The following RPS6KC1 variants were observed in gnomAD, a reference collection of about 807,000 sequenced individuals.
RPS6KC1 encodes the protein ribosomal protein S6 kinase C1.
A neutral mutation model predicts 103.8 loss-of-function variants in RPS6KC1; 54 were observed. The observed-to-expected ratio is 0.52, with a 90% CI of 0.42 to 0.65. The LOEUF (loss-of-function observed/expected upper bound fraction) is 0.65. Ranked by LOEUF, RPS6KC1 falls within the 30% of genes least tolerant of loss-of-function variation. The pLI is 0.00. For missense variants in RPS6KC1, 1,151 were observed against 1,253.8 expected (o/e 0.92, Z 1.24); for synonymous variants, 439 against 438.7 (o/e 1.00, Z -0.01).
At chr1:213,124,097 A>T (rs1167460026) in intron 5 of RPS6KC1, among the ~76,000 whole-genome samples, 1 of 152,126 alleles carries the variant, frequency 6.6e-6, no homozygotes, top group Non-Finnish European at 1.5e-5. Context: ...ATAAACGCCT[A>T]TGTCTGTAGC....
At chr1:213,137,752 G>GCGCTCT (rs1553340080) in intron 6 of RPS6KC1, among the ~76,000 whole-genome samples, 51 of 12,200 alleles carry the variant, frequency 4.2e-3, no homozygotes, top group Admixed American at 0.014. Flanking sequence ...AGTCCAGTTT[G>GCGCTCT]CTCTCTCTCT....
chr1:213,859,979 A>AC, the RPS6KC1 span, among the ~76,000 whole-genome samples: 1 of 152,074 alleles, frequency 6.6e-6, no homozygotes, highest in African/African-American at 2.4e-5. Context: ...GTCTAAACAA[A>AC]AAAAAAATCT....
intron 8 of RPS6KC1, among the ~76,000 whole-genome samples, chr1:213,184,948 ATG>A (rs559879454): frequency 1.4e-3 from 211 of 152,332 alleles, no homozygotes; most frequent in African/African-American, 4.8e-3. Context: ...GATGAGAAGA[ATG>A]TGTATTTTCT....
At chr1:213,816,419 C>T in the RPS6KC1 span, among the ~76,000 whole-genome samples, 3 of 152,210 alleles carry the variant, frequency 2.0e-5, no homozygotes, top group African/African-American at 7.2e-5. Context: ...CGAAGACCAC[C>T]AACAAGCTCA....
At chr1:213,337,095 G>A in the RPS6KC1 span, among the ~76,000 whole-genome samples, 2 of 152,182 alleles carry the variant, frequency 1.3e-5, no homozygotes, top group Non-Finnish European at 2.9e-5. Context: ...ACAGAGTGCA[G>A]TAGGTTTTCC....
the RPS6KC1 span, chr1:213,818,912 G>A: frequency 6.6e-6 from 1 of 152,346 alleles, no homozygotes; most frequent in East Asian, 1.9e-4. Context: ...CAGTCCCTGG[G>A]AGTGTTCGCT....
the RPS6KC1 span, among the ~76,000 whole-genome samples, chr1:213,765,833 A>G: frequency 6.6e-6 from 1 of 152,220 alleles, no homozygotes; most frequent in Non-Finnish European, 1.5e-5. Context: ...CACTATAAAA[A>G]AATTTTTATA....
At chr1:213,298,526 T>A in the RPS6KC1 span, among the ~76,000 whole-genome samples, 1 of 152,186 alleles carries the variant, frequency 6.6e-6, no homozygotes, top group African/African-American at 2.4e-5. Flanking sequence ...GTATTACTTC[T>A]TATGTTTGCT....
At chr1:213,203,672 A>C (rs1192904572) in intron 8 of RPS6KC1, among the ~76,000 whole-genome samples, 1 of 152,160 alleles carries the variant, frequency 6.6e-6, no homozygotes. Flanking sequence ...TTCATTATAG[A>C]AAAATCAAAC....
downstream of RPS6KC1, among the ~76,000 whole-genome samples, chr1:213,275,012 A>C (rs1487102011): frequency 6.6e-6 from 1 of 152,206 alleles, no homozygotes; most frequent in Non-Finnish European, 1.5e-5. Context: ...TTCTGTCTCT[A>C]TGAATTTGAC....
At chr1:213,222,465 A>G (rs1404667714) in intron 8 of RPS6KC1, among the ~76,000 whole-genome samples, 2 of 152,134 alleles carry the variant, frequency 1.3e-5, no homozygotes, top group Non-Finnish European at 2.9e-5. Flanking sequence ...GCATCTCTGC[A>G]TGGTCTGTTC....
chr1:213,318,172 A>C, the RPS6KC1 span, among the ~76,000 whole-genome samples: 2 of 152,252 alleles, frequency 1.3e-5, no homozygotes, highest in African/African-American at 4.8e-5. Context: ...CCTCAGAAGA[A>C]ATTTCTCTCC....
chr1:213,612,466 GT>G, the RPS6KC1 span, among the ~76,000 whole-genome samples: 2 of 152,180 alleles, frequency 1.3e-5, no homozygotes, highest in Non-Finnish European at 2.9e-5. Flanking sequence ...GTGGCTGGGG[GT>G]CCTTCAACAA....
chr1:213,119,222 G>A (rs766141022), intron 5 of RPS6KC1, among the ~76,000 whole-genome samples: 1 of 151,456 alleles, frequency 6.6e-6, no homozygotes, highest in Non-Finnish European at 1.5e-5. Context: ...CAAGGCAGGC[G>A]GATCACTTGA....
chr1:213,205,446 T>TA (rs2093311009), intron 8 of RPS6KC1: 3 of 899,604 alleles, frequency 3.3e-6, no homozygotes, highest in Admixed American at 6.3e-5. Flanking sequence ...GTAGCCCTCT[T>TA]AATCAAAGCT....
At chr1:213,637,655 T>C in the RPS6KC1 span, among the ~76,000 whole-genome samples, 4 of 152,124 alleles carry the variant, frequency 2.6e-5, no homozygotes, top group African/African-American at 7.2e-5. Context: ...ACCGTGAAAC[T>C]ATTTTCCAGA....
the RPS6KC1 span, among the ~76,000 whole-genome samples, chr1:213,389,664 C>T: frequency 1.4e-4 from 21 of 152,276 alleles, no homozygotes; most frequent in East Asian, 1.7e-3. Flanking sequence ...CCTGAACATC[C>T]GTGGCTCCCT....
Position 213,104,463 on chromosome 1 carries a change from A to T in RPS6KC1, c.272A>T (p.Asp91Val). Reference sequence around the variant, plus strand: ...TCTTATTTAATTGTAGGGCGATTTGATGAAACTGTTATCGAAGAGAGAAGA... The same window carrying T: ...TCTTATTTAATTGTAGGGCGATTTGTTGAAACTGTTATCGAAGAGAGAAGA... ...FAKGIVFGRF[D>V]ETVIEERRQC... Residue 91 changes from aspartate to valine, a missense_variant, in exon 4 of 15, where the codon GAT becomes GTT. By Grantham distance (152) the Asp-to-Val change is radical. Around this residue, in one of 3 missense-constraint regions of RPS6KC1, gnomAD observed 959 missense variants for 1,006.3 expected, o/e 0.95. Coordinates refer to ENST00000366960, the MANE Select transcript of RPS6KC1 (RefSeq NM_012424.6). 6.2e-7 allele frequency: 1 copy of T among 1,605,460 alleles called. No individual in the cohort carries two copies. The highest frequency in any genetic ancestry group is 8.5e-7 in the Non-Finnish European group (1 of 1,173,146).
chr1:213,680,211 A>C, the RPS6KC1 span, among the ~76,000 whole-genome samples: 1 of 152,336 alleles, frequency 6.6e-6, no homozygotes, highest in East Asian at 1.9e-4. Context: ...CGAGTATTGC[A>C]CAAAGAGAAG....
Sources: allele counts gnomAD v4.1 joint callset (sites outside exome capture counted in the v4.1 genomes callset), GRCh38; gene constraint gnomAD v4.1.1; regional missense constraint gnomAD v4.1.1; transcripts MANE v1.5; gene names NCBI Gene and HGNC (gene_info 2026-07-23, HGNC 2026-07-21).